TTN: variants seen among roughly 807,000 people sequenced by gnomAD.
The protein encoded by TTN is connectin.
Under a neutral mutation model 3,223.0 loss-of-function variants are expected in TTN, and 1,525 were observed. The ratio of observed to expected loss-of-function variants is 0.47; its 90% CI spans 0.45 to 0.49. TTN has a LOEUF of 0.49. Ranked by LOEUF, TTN falls within the 20% of genes least tolerant of loss-of-function variation. The pLI is 0.00. For synonymous variants in TTN, 14,094 were observed against 15,161.0 expected, an observed-to-expected ratio of 0.93 and a Z score of 5.17; for missense variants, 40,786 against 43,424.0, an observed-to-expected ratio of 0.94 and a Z score of 5.40.
chr2:178,720,879 T>A (rs752326347), intron 79 of TTN, 42 bp downstream of exon 79: 5 of 1,531,516 alleles, frequency 3.3e-6, no homozygotes, highest in African/African-American at 1.4e-5. Context: ...AGAGCCCAAA[T>A]CAGAGGAGAA....
rs2058150967 is a variant in TTN at position 178,620,807 on chromosome 2, T to C, written c.45803A>G (p.Asp15268Gly). 6.2e-7 allele frequency: 1 copy of C among 1,612,804 alleles called. No homozygotes were observed. Among genetic ancestry groups the C allele is most frequent in the Non-Finnish European group, 8.5e-7 (1 of 1,179,154 alleles). The part of the protein sequence containing the change: ...KDLVYTLRIR[D>G]AHLDDQANYN... ...GTTGGCTTGGTCATCTAAGTGTGCATCTCTAATTCTGAGGGTGTAGACTAG... is the reference window on the plus strand; with the variant it reads ...GTTGGCTTGGTCATCTAAGTGTGCACCTCTAATTCTGAGGGTGTAGACTAG... Residue 15268 changes from aspartate to glycine, a missense_variant, in exon 247 of 363, where the codon GAT becomes GGT. Transcript: ENST00000589042.
rs1350267556 is a variant in TTN, at chr2:178,634,959, A to G, written c.42025-110T>C. On this transcript the variant is annotated intron_variant, in intron 228 of 362. Coordinates refer to ENST00000589042, the MANE Select transcript of TTN (RefSeq NM_001267550.2). This position sits in a 1 kb window ranked among gnomAD's most constrained non-coding sequence, Gnocchi z 4.6. ...TTTAAAAATTACTACTAATAAAAGT[A>G]AGCAGAGAATTCCCTGTCATAACAT... The G allele has an allele frequency of 7.2e-7, 1 of 1,394,864 alleles. No homozygotes were observed. The highest frequency in any genetic ancestry group is 9.5e-7 in the Non-Finnish European group (1 of 1,050,856). The allele number at this position is 1,394,864 out of a possible 1,614,324, so 86.4% of individuals were successfully genotyped here.
intron 13 of TTN, among the ~76,000 whole-genome samples, chr2:178,789,067 T>C (rs528359885): frequency 9.2e-5 from 14 of 152,218 alleles, no homozygotes; most frequent in Non-Finnish European, 1.6e-4. Flanking sequence ...CCTCTTAAAA[T>C]TAGCCTGCAT....
chr2:178,724,838 A>G (rs188523394), intron 71 of TTN: 5 of 255,732 alleles, frequency 2.0e-5, no homozygotes. Flanking sequence ...CTTCAAAACA[A>G]TTTAAACAAT....
rs145029589 is a variant in TTN at position 178,747,580 on chromosome 2, C to T, written c.11311+5544G>A. On this transcript the variant is annotated intron_variant, in intron 47 of 362. Transcript: ENST00000589042. Reference sequence around the variant, plus strand: ...ACACAGTGTTGAAAGTTACTTCTTCCACCTCCATTGAAGTGATTGATTCAC... The same window carrying T: ...ACACAGTGTTGAAAGTTACTTCTTCTACCTCCATTGAAGTGATTGATTCAC... The T allele has an allele frequency of 3.0e-4, 488 of 1,613,248 alleles. 1 individual carries two copies. The African/African-American group carries it at 6.1e-3, about 20-fold the overall frequency.
rs72677237 is a variant in TTN at position 178,617,362 on chromosome 2, C to T, written c.47723G>A (p.Arg15908His). ...TTCAGGGACAAGTTTCATATTGCAA[C>T]GAATCCAATTATCTTTTCCTTCTTC... ...RCEEGKDNWI[R>H]CNMKLVPELT... Residue 15908 changes from arginine (R) to histidine (H), a missense_variant, in exon 254 of 363, where the codon CGT becomes CAT. Transcript: ENST00000589042. 6.4e-3 allele frequency: 10,140 copies of T among 1,582,756 alleles called. 56 individuals are homozygous for T. Among genetic ancestry groups the T allele is most frequent in the Middle Eastern group, 0.015 (91 of 5,974 alleles).
At chr2:178,745,583 T>C in intron 47 of TTN, 1 of 1,612,234 alleles carries the variant, frequency 6.2e-7, no homozygotes, top group Non-Finnish European at 8.5e-7. Flanking sequence ...AAACATTACA[T>C]TTTAAGTTAA....
rs763585086 is a variant in TTN, at chr2:178,733,249, G to A, written c.16044C>T (p.Phe5348=). 8.7e-6 allele frequency: 14 copies of A among 1,600,114 alleles called. No individual in the cohort carries two copies. Among genetic ancestry groups the A allele is most frequent in the Non-Finnish European group, 1.2e-5 (14 of 1,172,788 alleles). The change falls in exon 54 of 363, where the codon TTC becomes TTT. Residue 5348 remains phenylalanine (F), a synonymous_variant. Transcript: ENST00000589042. The part of the protein sequence containing the change: ...EVGSSSCETT[F]TVLDRDIAPF... ...TCTAAAAATACTAACCTAATACAGTGAATGTAGTCTCACAGGAGCTGCTGC... is the reference window on the plus strand; with the variant it reads ...TCTAAAAATACTAACCTAATACAGTAAATGTAGTCTCACAGGAGCTGCTGC...
chr2:178,633,741 G>A (rs2060090443), intron 231 of TTN, 65 bp from the exon 232 acceptor site: 30 of 1,605,162 alleles, frequency 1.9e-5, no homozygotes, highest in Non-Finnish European at 2.5e-5. Flanking sequence ...AAGAGTAAAA[G>A]GTTGCAAAAT....
intron 88 of TTN, among the ~76,000 whole-genome samples, chr2:178,716,009 A>G (rs1457284617): frequency 1.3e-5 from 2 of 152,096 alleles, no homozygotes; most frequent in Non-Finnish European, 2.9e-5. Flanking sequence ...AGAAAAAGAC[A>G]TTACTCTTTA....
At position 178,651,980 on chromosome 2, in the gene TTN, G is replaced by GTTTAA; in HGVS notation, c.39296-14_39296-13insTTAAA. ...GGCTCCTCGAACACTTTAAAGACATGAGCTCATTTTAATGCCAGAATTGAC... is the reference window on the plus strand; with the variant it reads ...GGCTCCTCGAACACTTTAAAGACATGTTTAAAGCTCATTTTAATGCCAGAATTGAC... On this transcript the variant is annotated splice_polypyrimidine_tract_variant and intron_variant, in intron 204 of 362. Transcript: ENST00000589042. 1 of 1,610,666 alleles carries GTTTAA rather than the reference G, an allele frequency of 6.2e-7. No homozygotes were observed. The highest frequency in any genetic ancestry group is 8.5e-7 in the Non-Finnish European group (1 of 1,178,368).
rs932502532 is a variant in TTN, at chr2:178,681,547, T to A, written c.33173-97A>T. ...TAAGAAAGACAAATACAACATAATATTCCCAAACACACACATAATTTGTAC... is the reference window on the plus strand; with the variant it reads ...TAAGAAAGACAAATACAACATAATAATCCCAAACACACACATAATTTGTAC... On this transcript the variant is annotated intron_variant, in intron 136 of 362. Transcript: ENST00000589042. The A allele has an allele frequency of 1.2e-5, 17 of 1,451,978 alleles. No homozygotes were observed. The African/African-American group carries it at 2.3e-4, about 20-fold the overall frequency. 89.9% of individuals were successfully genotyped at this position (1,451,978 alleles called of 1,614,324 possible).
rs1316766072 is a variant in TTN at position 178,632,528 on chromosome 2, T to C, written c.43478A>G (p.Glu14493Gly). 5.6e-6 allele frequency: 9 copies of C among 1,612,584 alleles called. No individual in the cohort carries two copies. Among genetic ancestry groups the C allele is most frequent in the South Asian group, 1.1e-5 (1 of 90,754 alleles). ...GACTATTTGATAAAACTATTTACCT[T>C]CAATGATCAGTTTGCCACTTGTGTG... ...DKHTSGKLIIEGIRLKFLTPL... is the reference protein window; with the variant it reads ...DKHTSGKLIIGGIRLKFLTPL... Residue 14493 changes from glutamate (E) to glycine (G), a missense_variant and splice_region_variant, in exon 235 of 363, where the codon GAA (glutamate) becomes GGA (glycine). By Grantham distance (98) the Glu-to-Gly change is moderately conservative. Coordinates refer to ENST00000589042, the MANE Select transcript of TTN (RefSeq NM_001267550.2).
At position 178,531,275 on chromosome 2, in the gene TTN, G is replaced by C. The variant is rs1282722810; in HGVS notation, c.105340C>G (p.Leu35114Val). 6.2e-7 allele frequency: 1 copy of C among 1,613,890 alleles called. No individual in the cohort carries two copies. The highest frequency in any genetic ancestry group is 1.3e-5 in the African/African-American group (1 of 74,920). ...MKSAALEEKSLEEKSTTRKIK... is the reference protein window; with the variant it reads ...MKSAALEEKSVEEKSTTRKIK... The stretch of plus-strand genomic sequence containing the variant: ...TTTCTGGTTGTGGATTTTTCTTCCA[G>C]TGACTTTTCTTCTAATGCAGCACTT... The change falls in exon 358 of 363, where the codon CTG becomes GTG. Residue 35114 changes from leucine to valine, a missense_variant. By Grantham distance (32) the Leu-to-Val change is conservative. Coordinates refer to ENST00000589042, the MANE Select transcript of TTN (RefSeq NM_001267550.2).
In TTN at chr2:178,533,045, T is replaced by G. The variant is rs1170482258; in HGVS notation, c.103570A>C (p.Arg34524=). The G allele has an allele frequency of 6.2e-7, 1 of 1,613,858 alleles. No homozygotes were observed. Among genetic ancestry groups the G allele is most frequent in the Admixed American group, 1.7e-5 (1 of 59,994 alleles). ...VSTKTVKGEF[R]LEIEEKKEER... ...TCCTTCTTTTCTTCTATCTCAAGTCTGAATTCCCCTTTTACAGTCTTGGTG... is the reference window on the plus strand; with the variant it reads ...TCCTTCTTTTCTTCTATCTCAAGTCGGAATTCCCCTTTTACAGTCTTGGTG... The change falls in exon 358 of 363, where the codon AGA becomes CGA. Residue 34524 remains arginine, a synonymous_variant. Transcript: ENST00000589042.
At position 178,534,430 on chromosome 2, in the gene TTN, A is replaced by T. The variant is rs1690534459; in HGVS notation, c.102185T>A (p.Met34062Lys). 1 of 1,612,522 alleles carries T rather than the reference A, an allele frequency of 6.2e-7. No individual in the cohort carries two copies. Among genetic ancestry groups the T allele is most frequent in the Non-Finnish European group, 8.5e-7 (1 of 1,179,814 alleles). ...GTGCTGGAGAGCCTCCGATGCTGTC[A>T]TGCGAGATTTCCTCTCTTTCACTAA... is the stretch of plus-strand genomic sequence containing the variant. ...RLLVKERKSR[M>K]TASEALQHPW... Residue 34062 changes from methionine to lysine, a missense_variant, in exon 358 of 363, where the codon ATG (methionine) becomes AAG (lysine). Coordinates refer to ENST00000589042, the MANE Select transcript of TTN (RefSeq NM_001267550.2).
Position 178,621,921 on chromosome 2 carries a change from T to G in TTN, c.45001A>C (p.Asn15001His), listed in dbSNP as rs373109469. The G allele has an allele frequency of 3.4e-5, 55 of 1,612,048 alleles. No homozygotes were observed. Among genetic ancestry groups the G allele is most frequent in the Admixed American group, 6.7e-5 (4 of 59,798 alleles). ...GCTTCATCATCCAGTAGACATTTGT[T>G]GATGACAAGAATGCGCACTGCTCCC... ...SKGAVRILVI[N>H]KCLLDDEAEY... Residue 15001 changes from asparagine (N) to histidine (H), a missense_variant, in exon 244 of 363, where the codon AAC (asparagine) becomes CAC (histidine). Asn to His is a moderately conservative substitution (Grantham distance 68, BLOSUM62 1). Coordinates refer to ENST00000589042, the MANE Select transcript of TTN (RefSeq NM_001267550.2).
rs2154316583 is a variant in TTN, at chr2:178,738,086, C to G, written c.14367G>C (p.Val4789=). The G allele has an allele frequency of 6.2e-7, 1 of 1,611,690 alleles. No homozygotes were observed. Among genetic ancestry groups the G allele is most frequent in the African/African-American group, 1.3e-5 (1 of 74,996 alleles). ...GSVSCTATLT[V]TEAYPPTFLS... ...GTGCCAATGTATGGCATTTACCTGT[C>G]ACAGTTAGTGTGGCTGTACAGCTGA... The change falls in exon 49 of 363, where the codon GTG becomes GTC. Residue 4789 remains valine (V), a synonymous_variant. Coordinates refer to ENST00000589042, the MANE Select transcript of TTN (RefSeq NM_001267550.2).
In TTN at chr2:178,539,787, G is replaced by A. The variant is rs1060500523; in HGVS notation, c.98278C>T (p.Leu32760Phe). Residue 32760 changes from leucine to phenylalanine, a missense_variant, in exon 352 of 363, where the codon CTT becomes TTT. Leu to Phe is a conservative substitution (Grantham distance 22, BLOSUM62 0). Transcript: ENST00000589042. ...CCCCTGTCTGCTTCTTTGATCACAA[G>A]CTCAGTGTGTGTTTCAGATGTTGCA... ...MIATSETHTELVIKEADRGDS... is the reference protein window; with the variant it reads ...MIATSETHTEFVIKEADRGDS... 3 of 1,613,686 alleles carry A rather than the reference G, an allele frequency of 1.9e-6. No individual in the cohort carries two copies. In the African/African-American group the frequency reaches 4.0e-5, roughly 22 times the overall value.
Sources: allele counts gnomAD v4.1 joint callset (sites outside exome capture counted in the v4.1 genomes callset), GRCh38; gene constraint gnomAD v4.1.1; non-coding constraint Gnocchi (gnomAD v3.1); transcripts MANE v1.5; gene names NCBI Gene and HGNC (gene_info 2026-07-23, HGNC 2026-07-21).